SLC9A9: variants seen among roughly 807,000 people sequenced by gnomAD.
The protein encoded by SLC9A9 is sodium/hydrogen exchanger 9.
A neutral mutation model predicts 77.8 loss-of-function variants in SLC9A9; 62 were observed. That is an observed-to-expected ratio of 0.80 (90% CI 0.65 to 0.98). The LOEUF (loss-of-function observed/expected upper bound fraction) is 0.98, where lower values mean the gene tolerates loss of function less well. Among genes scored for constraint, SLC9A9 ranks in the 50% least tolerant of loss-of-function variants. SLC9A9 has a pLI of 0.00. For missense variants in SLC9A9, 775 were observed against 774.9 expected, an observed-to-expected ratio of 1.00 and a Z score of 0.00; for synonymous variants, 320 against 283.5, an observed-to-expected ratio of 1.13 and a Z score of -1.29.
intron 13 of SLC9A9, among the ~76,000 whole-genome samples, chr3:143,367,064 A>G (rs1357118064): frequency 1.3e-5 from 2 of 152,238 alleles, no homozygotes; most frequent in Admixed American, 1.3e-4. Context: ...CCAAGGTCTT[A>G]GAAATCCTCT....
chr3:143,811,298 T>C (rs1481080169), intron 2 of SLC9A9, among the ~76,000 whole-genome samples: 2 of 152,208 alleles, frequency 1.3e-5, no homozygotes, highest in African/African-American at 4.8e-5. Flanking sequence ...TGCATTTCTT[T>C]TCCTCTGCCT....
At chr3:143,640,419 A>G (rs2038602057) in intron 6 of SLC9A9, among the ~76,000 whole-genome samples, 1 of 152,180 alleles carries the variant, frequency 6.6e-6, no homozygotes, top group Non-Finnish European at 1.5e-5. Flanking sequence ...ATGGCTGGCT[A>G]TATTGGGCCC....
chr3:143,743,256 T>C (rs1935123084), intron 4 of SLC9A9, among the ~76,000 whole-genome samples: 1 of 145,968 alleles, frequency 6.9e-6, no homozygotes, highest in Admixed American at 6.8e-5. Flanking sequence ...GATAGATAGA[T>C]AGATAGATAG....
intron 6 of SLC9A9, among the ~76,000 whole-genome samples, chr3:143,602,716 T>C (rs528295362): frequency 2.6e-5 from 4 of 152,346 alleles, no homozygotes; most frequent in Admixed American, 6.5e-5. Context: ...TCTGTATTAT[T>C]GGGTAAGTTG....
At chr3:143,660,287 G>A (rs1310347799) in intron 5 of SLC9A9, among the ~76,000 whole-genome samples, 1 of 152,194 alleles carries the variant, frequency 6.6e-6, no homozygotes. Context: ...AGGGAAAGTT[G>A]GGAAGATCCC....
intron 3 of SLC9A9, 90 bp downstream of exon 3, chr3:143,796,736 G>T: frequency 1.2e-6 from 1 of 859,040 alleles, no homozygotes; most frequent in East Asian, 2.6e-5. Flanking sequence ...TTACCAAATA[G>T]AGAAGCCCAT....
chr3:143,476,575 T>C (rs1301984594), intron 11 of SLC9A9, among the ~76,000 whole-genome samples: 1 of 152,190 alleles, frequency 6.6e-6, no homozygotes, highest in Non-Finnish European at 1.5e-5. Context: ...ATCAGAATAA[T>C]CCTCATTACT....
chr3:143,821,335 T>C (rs1373867414), intron 2 of SLC9A9, among the ~76,000 whole-genome samples: 1 of 152,214 alleles, frequency 6.6e-6, no homozygotes, highest in Middle Eastern at 3.2e-3. Flanking sequence ...ATAACTTTTC[T>C]CTTTAGTTCT....
At chr3:143,476,076 G>T (rs777231674) in intron 11 of SLC9A9, among the ~76,000 whole-genome samples, 2 of 151,542 alleles carry the variant, frequency 1.3e-5, no homozygotes, top group Non-Finnish European at 2.9e-5. Context: ...ATTACATTTC[G>T]TTTTTACCCC....
rs1272657170 is a variant in SLC9A9, at chr3:143,524,956, T to C, written c.1089+27406A>G. Among the ~76,000 whole-genome samples the C allele has an allele frequency of 2.0e-5, 3 of 152,212 alleles. No homozygotes were observed. The East Asian group carries it at 5.8e-4, about 29-fold the overall frequency. On this transcript the variant is annotated intron_variant, in intron 9 of 15. Transcript: ENST00000316549. Reference sequence around the variant, plus strand: ...ACATCAGAAGCTAGCCAAAGATGACTGCCTGATCTTGGCCCTCCCAGCCTC... The same window carrying C: ...ACATCAGAAGCTAGCCAAAGATGACCGCCTGATCTTGGCCCTCCCAGCCTC...
chr3:143,440,063 A>G (rs2034699754), intron 12 of SLC9A9, among the ~76,000 whole-genome samples: 1 of 152,244 alleles, frequency 6.6e-6, no homozygotes, highest in South Asian at 2.1e-4. Context: ...CACTTAAACC[A>G]CATTCAAACT....
chr3:143,688,035 C>T (rs1560031894), intron 5 of SLC9A9, among the ~76,000 whole-genome samples: 1 of 150,394 alleles, frequency 6.6e-6, no homozygotes, highest in Non-Finnish European at 1.5e-5. Flanking sequence ...CCCTTTTTGC[C>T]TCCTTCCTTC....
rs545650439 is a variant in SLC9A9 at position 143,517,235 on chromosome 3, A to G, written c.1090-21787T>C. The G allele has an allele frequency of 3.6e-5, 45 of 1,266,994 alleles. No homozygotes were observed. The South Asian group carries it at 4.1e-4, about 12-fold the overall frequency. The allele number at this position is 1,266,994 out of a possible 1,614,324, so 78.5% of individuals were successfully genotyped here. On this transcript the variant is annotated intron_variant, in intron 9 of 15. Transcript: ENST00000316549. ...CTGAGCCACATCCTGGAAGGCCACCATAACTTCTGGATCCTGCATGGCGGC... is the reference window on the plus strand; with the variant it reads ...CTGAGCCACATCCTGGAAGGCCACCGTAACTTCTGGATCCTGCATGGCGGC...
At chr3:143,558,476 G>C (rs1168911301) in intron 8 of SLC9A9, among the ~76,000 whole-genome samples, 1 of 152,188 alleles carries the variant, frequency 6.6e-6, no homozygotes, top group Non-Finnish European at 1.5e-5. Context: ...CAAAGCCACA[G>C]AGTCAGAGCT....
intron 14 of SLC9A9, among the ~76,000 whole-genome samples, chr3:143,306,517 A>G (rs1192244319): frequency 6.6e-6 from 1 of 152,180 alleles, no homozygotes; most frequent in Non-Finnish European, 1.5e-5. Context: ...ATCTTTAAAA[A>G]CATGTCTTGC....
At chr3:143,699,971 T>C (rs1044307899) in intron 4 of SLC9A9, among the ~76,000 whole-genome samples, 10 of 151,834 alleles carry the variant, frequency 6.6e-5, no homozygotes, top group African/African-American at 2.2e-4. Flanking sequence ...AGGAGGACTT[T>C]GTCTTGTATC....
chr3:143,495,453 A>G lies in SLC9A9; in HGVS notation c.1090-5T>C. On this transcript the variant is annotated splice_region_variant and splice_polypyrimidine_tract_variant and intron_variant, in intron 9 of 15. Transcript: ENST00000316549. ...AAAGTTCATAAATTCAAACAACTGAAACAAAACATAAAACAAAAAACCATT... is the reference window on the plus strand; with the variant it reads ...AAAGTTCATAAATTCAAACAACTGAGACAAAACATAAAACAAAAAACCATT... 6.2e-7 allele frequency: 1 copy of G among 1,603,082 alleles called. No individual in the cohort carries two copies.
intron 14 of SLC9A9, among the ~76,000 whole-genome samples, chr3:143,304,856 C>T (rs2030706911): frequency 6.6e-6 from 1 of 152,152 alleles, no homozygotes; most frequent in Admixed American, 6.5e-5. Flanking sequence ...CCTGCAAGCC[C>T]AGGTGATGAG....
rs34152223 is a variant in SLC9A9, at chr3:143,743,205, A to AGATGGATGGATGGATG, written c.534-49914_534-49899dup. The stretch of plus-strand genomic sequence containing the variant: ...AGGAAGGATGGATGGATAGATGGAT[A>AGATGGATGGATGGATG]GATGGATGGATGGATGGATGGATGG... On this transcript the variant is annotated intron_variant, in intron 4 of 15. Coordinates refer to ENST00000316549, the MANE Select transcript of SLC9A9 (RefSeq NM_173653.4). 8.7e-4 allele frequency among the ~76,000 whole-genome samples: 122 copies of AGATGGATGGATGGATG among 140,062 alleles called. 1 individual carries two copies. Among genetic ancestry groups the AGATGGATGGATGGATG allele is most frequent in the African/African-American group, 3.1e-3 (115 of 37,180 alleles). The allele number at this position is 140,062 out of a possible 152,430, so 91.9% of individuals were successfully genotyped here.
Sources: gnomAD v4.1 joint callset for allele counts (sites outside exome capture counted in the v4.1 genomes callset) on GRCh38, gnomAD v4.1.1 for gene constraint, MANE v1.5 for transcripts, NCBI Gene and HGNC (gene_info 2026-07-23, HGNC 2026-07-21) for gene names.